The following UPP2 variants were observed in gnomAD, a reference collection of about 807,000 sequenced individuals.
The protein encoded by UPP2 is UPase 2.
A neutral mutation model predicts 26.7 loss-of-function variants in UPP2; 23 were observed. The observed-to-expected ratio is 0.86, with a 90% CI of 0.62 to 1.22. UPP2 has a LOEUF of 1.22. Ranked by LOEUF, UPP2 falls within the 50% of genes most tolerant of loss-of-function variation. UPP2 has a pLI of 0.00. For synonymous variants in UPP2, 127 were observed against 141.3 expected (o/e 0.90, Z 0.72); for missense variants, 387 against 396.7 (o/e 0.98, Z 0.21).
intron 2 of UPP2, among the ~76,000 whole-genome samples, chr2:157,997,788 C>G (rs1574237333): frequency 1.3e-5 from 2 of 152,246 alleles, no homozygotes; most frequent in East Asian, 3.9e-4. Context: ...AAACCTTCAT[C>G]TGGGGAAGAT....
chr2:158,018,608 A>C (rs1160848384), intron 3 of UPP2, among the ~76,000 whole-genome samples: 2 of 152,212 alleles, frequency 1.3e-5, no homozygotes, highest in South Asian at 2.1e-4. Context: ...AGGGGGCTGC[A>C]TAATCTCTCT....
At chr2:158,023,230 T>TGGAG (rs1553463651) in intron 3 of UPP2, among the ~76,000 whole-genome samples, 3 of 83,754 alleles carry the variant, frequency 3.6e-5, no homozygotes, top group South Asian at 6.0e-4. Context: ...TGCTGTCAGT[T>TGGAG]GGGGGGGGGC....
At position 158,122,602 on chromosome 2, in the gene UPP2, T is replaced by C. The variant is rs547139956; in HGVS notation, c.664+984T>C. Among the ~76,000 whole-genome samples, 208 of 152,256 alleles carry C rather than the reference T, an allele frequency of 1.4e-3. 1 individual carries two copies. The highest frequency in any genetic ancestry group is 2.6e-3 in the Non-Finnish European group (178 of 67,974). On this transcript the variant is annotated intron_variant, in intron 5 of 6. Coordinates refer to ENST00000005756, the MANE Select transcript of UPP2 (RefSeq NM_173355.4). ...GTTAAAGTCAATGTTTCCTTTGGCCTGCACAGTATTTTTAAAAATGTGAAT... is the reference window on the plus strand; with the variant it reads ...GTTAAAGTCAATGTTTCCTTTGGCCCGCACAGTATTTTTAAAAATGTGAAT...
Position 158,015,568 on chromosome 2 carries a change from A to G in UPP2, c.62-233A>G, listed in dbSNP as rs115580195. Among the ~76,000 whole-genome samples, 556 of 152,246 alleles carry G rather than the reference A, an allele frequency of 3.7e-3. 4 individuals are homozygous for G. Among genetic ancestry groups the G allele is most frequent in the African/African-American group, 0.013 (535 of 41,548 alleles). On this transcript the variant is annotated intron_variant, in intron 2 of 9. Transcript: ENST00000605860. The stretch of plus-strand genomic sequence containing the variant: ...ACATGGATGTGCAAATATCTCTTTG[A>G]GACTCTAGTTATATACGGATGTGGT...
intron 2 of UPP2, among the ~76,000 whole-genome samples, chr2:158,011,850 G>A (rs1266857085): frequency 6.6e-6 from 1 of 152,148 alleles, no homozygotes. Context: ...CCTAGGGTAG[G>A]TGTAAATGGT....
chr2:158,062,936 G>A (rs746745379), intron 3 of UPP2, among the ~76,000 whole-genome samples: 6 of 152,086 alleles, frequency 3.9e-5, no homozygotes, highest in Non-Finnish European at 7.3e-5. Context: ...TATCTGATAC[G>A]TTTCAAGCAC....
chr2:158,135,054 G>T lies in UPP2; in HGVS notation c.*164G>T. Reference sequence around the variant, plus strand: ...TCTTAAAAAGGAATTTATTGTAAAAGAATACTCACACTAAATTAAATTCAA... The same window carrying T: ...TCTTAAAAAGGAATTTATTGTAAAATAATACTCACACTAAATTAAATTCAA... On this transcript the variant is annotated 3_prime_UTR_variant, in exon 7 of 7. Transcript: ENST00000005756. 2.6e-6 allele frequency: 2 copies of T among 767,056 alleles called. No individual in the cohort carries two copies. The highest frequency in any genetic ancestry group is 3.4e-5 in the South Asian group (1 of 29,638). The allele number at this position is 767,056 out of a possible 1,614,324, so 47.5% of individuals were successfully genotyped here.
chr2:158,099,228 G>T (rs540531520), upstream of UPP2, among the ~76,000 whole-genome samples: 2 of 152,178 alleles, frequency 1.3e-5, no homozygotes, highest in Non-Finnish European at 2.9e-5. Flanking sequence ...ACTTCCTGGA[G>T]CATGGTGTAT....
chr2:158,083,765 C>A (rs1682766515), intron 3 of UPP2, among the ~76,000 whole-genome samples: 1 of 149,730 alleles, frequency 6.7e-6, no homozygotes, highest in African/African-American at 2.5e-5. Context: ...ATTATTTCAT[C>A]CTTTTTATGG....
chr2:158,010,852 G>A (rs934619270), intron 2 of UPP2, among the ~76,000 whole-genome samples: 1 of 149,480 alleles, frequency 6.7e-6, no homozygotes, highest in Non-Finnish European at 1.5e-5. Context: ...TGCAATCTCT[G>A]CCTCCTGGGT....
intron 3 of UPP2, among the ~76,000 whole-genome samples, chr2:158,078,133 C>A (rs1355889196): frequency 1.3e-5 from 2 of 152,064 alleles, no homozygotes; most frequent in African/African-American, 4.8e-5. Context: ...CAGCTAATAA[C>A]AAATGCTAGG....
At chr2:158,024,001 T>C (rs79289041) in intron 3 of UPP2, among the ~76,000 whole-genome samples, 1 of 152,190 alleles carries the variant, frequency 6.6e-6, no homozygotes, top group South Asian at 2.1e-4. Context: ...CTTTCCTTAG[T>C]AGACTAAAAT....
chr2:158,021,432 C>T (rs986593249), intron 3 of UPP2, among the ~76,000 whole-genome samples: 3 of 152,144 alleles, frequency 2.0e-5, no homozygotes, highest in African/African-American at 7.2e-5. Flanking sequence ...TGTCAACAGA[C>T]GAGACTGGGG....
chr2:158,024,227 A>G (rs1037234458), intron 3 of UPP2, among the ~76,000 whole-genome samples: 4 of 152,172 alleles, frequency 2.6e-5, no homozygotes, highest in Non-Finnish European at 4.4e-5. Flanking sequence ...TTTGAGGAAG[A>G]CAAAGACCTG....
intron 3 of UPP2, among the ~76,000 whole-genome samples, chr2:158,017,060 G>A (rs1401791847): frequency 6.6e-6 from 1 of 152,162 alleles, no homozygotes; most frequent in Non-Finnish European, 1.5e-5. Flanking sequence ...ATAATGTGCA[G>A]TTTGCAAAGT....
intron 3 of UPP2, among the ~76,000 whole-genome samples, chr2:158,079,202 C>T (rs1343466751): frequency 6.6e-6 from 1 of 152,084 alleles, no homozygotes; most frequent in Admixed American, 6.6e-5. Flanking sequence ...TACCCAGTCT[C>T]ATGTATTTCT....
intron 3 of UPP2, among the ~76,000 whole-genome samples, chr2:158,031,436 G>T (rs1352172287): frequency 6.6e-6 from 1 of 152,156 alleles, no homozygotes; most frequent in African/African-American, 2.4e-5. Context: ...TACATTTGAT[G>T]ATTTCATTCT....
At chr2:158,075,672 T>C (rs1057496033) in intron 3 of UPP2, among the ~76,000 whole-genome samples, 1 of 151,938 alleles carries the variant, frequency 6.6e-6, no homozygotes, top group Non-Finnish European at 1.5e-5. Flanking sequence ...CCAAAACCTA[T>C]GGGATACAGT....
intron 3 of UPP2, among the ~76,000 whole-genome samples, chr2:158,017,313 G>A (rs975882132): frequency 6.6e-6 from 1 of 152,088 alleles, no homozygotes; most frequent in Non-Finnish European, 1.5e-5. Flanking sequence ...TATAGCAAAG[G>A]TGACCCAGAG....
Sources: gnomAD v4.1 joint callset for allele counts (sites outside exome capture counted in the v4.1 genomes callset) on GRCh38, gnomAD v4.1.1 for gene constraint, MANE v1.5 for transcripts, NCBI Gene and HGNC (gene_info 2026-07-23, HGNC 2026-07-21) for gene names.